Variants in NELL2 observed in about 807,000 individuals in gnomAD.
The protein encoded by NELL2 is protein kinase C-binding protein NELL2.
NELL2 carries 41 observed loss-of-function variants against 109.6 expected under a neutral mutation model. The observed-to-expected ratio is 0.37, with a 90% confidence interval of 0.29 to 0.49. The LOEUF is 0.49. NELL2 is among the 20% of genes least tolerant of loss of function. The pLI, the probability that NELL2 is intolerant of heterozygous loss-of-function variation, is 0.98. For missense variants in NELL2, 900 were observed against 1,008.3 expected (o/e 0.89, Z 1.45); for synonymous variants, 355 against 344.7 (o/e 1.03, Z -0.33).
At chr12:44,715,344 T>G (rs1029822947) in intron 9 of NELL2, among the ~76,000 whole-genome samples, 30 of 150,534 alleles carry the variant, frequency 2.0e-4, no homozygotes, top group Middle Eastern at 6.8e-3. Context: ...AATTTTAAAA[T>G]GTAACCTTAG....
chr12:44,557,622 GAT>G, intron 15 of NELL2, among the ~76,000 whole-genome samples: 1 of 152,318 alleles, frequency 6.6e-6, no homozygotes, highest in Non-Finnish European at 1.5e-5. Context: ...ACTACGTTGA[GAT>G]TTTAGTGTTT....
intron 2 of NELL2, among the ~76,000 whole-genome samples, chr12:44,819,221 A>C (rs531926905): frequency 6.6e-6 from 1 of 152,308 alleles, no homozygotes; most frequent in Admixed American, 6.5e-5. Context: ...AACTATCAAA[A>C]AAATTGATCA....
Position 44,758,385 on chromosome 12 carries a change from T to A in NELL2, c.994+16362A>T, listed in dbSNP as rs1222782690. 3.3e-5 allele frequency among the ~76,000 whole-genome samples: 5 copies of A among 152,234 alleles called. No individual in the cohort carries two copies. The East Asian group carries it at 9.6e-4, about 29-fold the overall frequency. On this transcript the variant is annotated intron_variant, in intron 9 of 19. Transcript: ENST00000429094. The stretch of plus-strand genomic sequence containing the variant: ...TGTGCCACACATAACTCCTAGTTAC[T>A]CTGCTTTATTAAATCCCCACTTCAA...
chr12:44,545,982 T>G (rs867392948), intron 15 of NELL2, among the ~76,000 whole-genome samples: 1 of 152,114 alleles, frequency 6.6e-6, no homozygotes, highest in East Asian at 1.9e-4. Flanking sequence ...AAGAGAGTTA[T>G]GGTGTCTTTG....
In NELL2 at chr12:44,677,346, T is replaced by G. The variant is rs183166935; in HGVS notation, c.1319-11737A>C. On this transcript the variant is annotated intron_variant, in intron 12 of 19. Transcript: ENST00000429094. ...TTCTAAAACATGTCATATATACACATGCTGTAAAATGTAAAAGATGCAGTA... is the reference window on the plus strand; with the variant it reads ...TTCTAAAACATGTCATATATACACAGGCTGTAAAATGTAAAAGATGCAGTA... 2.5e-3 allele frequency among the ~76,000 whole-genome samples: 376 copies of G among 152,208 alleles called. 1 individual carries two copies. The highest frequency in any genetic ancestry group is 8.8e-3 in the African/African-American group (365 of 41,542).
intron 19 of NELL2, among the ~76,000 whole-genome samples, chr12:44,513,330 A>T (rs562297933): frequency 6.6e-6 from 1 of 152,100 alleles, no homozygotes; most frequent in South Asian, 2.1e-4. Flanking sequence ...AGCCAATGGA[A>T]CCTATGATCT....
chr12:44,509,088 T>G lies in NELL2; in HGVS notation c.2401-104A>C, dbSNP rs1048750196. 3.2e-6 allele frequency: 3 copies of G among 937,392 alleles called. No homozygotes were observed. In the African/African-American group the frequency reaches 5.0e-5, roughly 16 times the overall value. 58.1% of individuals were successfully genotyped at this position (937,392 alleles called of 1,614,324 possible). A position where few individuals can be genotyped will look rare whatever the true frequency, so the allele number is the denominator to read the frequency against. On this transcript the variant is annotated intron_variant, in intron 19 of 19. Coordinates refer to ENST00000429094, the MANE Select transcript of NELL2 (RefSeq NM_001145108.2). ...CTTACAAACAAAACTGTATAATTTA[T>G]TTCTGCATTCCTAAAAATTCAATGG...
At chr12:44,896,481 C>T (rs373862088) in intron 1 of NELL2, among the ~76,000 whole-genome samples, 11 of 151,962 alleles carry the variant, frequency 7.2e-5, no homozygotes, top group East Asian at 5.8e-4. Flanking sequence ...ATTCCGTGAC[C>T]GAGGTGTACA....
At chr12:44,667,696 CT>C (rs1339765483) in intron 12 of NELL2, among the ~76,000 whole-genome samples, 1 of 152,184 alleles carries the variant, frequency 6.6e-6, no homozygotes, top group Non-Finnish European at 1.5e-5. Context: ...ACAGATAACT[CT>C]GAAATTCAGC....
intron 15 of NELL2, among the ~76,000 whole-genome samples, chr12:44,606,086 C>G (rs1032324018): frequency 6.6e-6 from 1 of 152,014 alleles, no homozygotes; most frequent in South Asian, 2.1e-4. Flanking sequence ...ATGCATTGTC[C>G]GTCACAGACT....
At chr12:44,524,366 G>A (rs977619986) in intron 16 of NELL2, among the ~76,000 whole-genome samples, 2 of 152,108 alleles carry the variant, frequency 1.3e-5, no homozygotes, top group African/African-American at 4.8e-5. Flanking sequence ...TCAGAGACAT[G>A]GTATGAGTGG....
intron 1 of NELL2, among the ~76,000 whole-genome samples, chr12:44,890,146 C>T (rs1945517320): frequency 6.6e-6 from 1 of 152,114 alleles, no homozygotes; most frequent in African/African-American, 2.4e-5. Context: ...CTAGAGCCTC[C>T]CTCTATCTCC....
At chr12:44,765,367 T>C (rs1311725899) in intron 9 of NELL2, among the ~76,000 whole-genome samples, 1 of 151,158 alleles carries the variant, frequency 6.6e-6, no homozygotes, top group Non-Finnish European at 1.5e-5. Flanking sequence ...TTTTTTTAAG[T>C]TCACAATGTA....
chr12:44,694,391 C>G (rs1366267231), intron 12 of NELL2, among the ~76,000 whole-genome samples: 1 of 152,028 alleles, frequency 6.6e-6, no homozygotes, highest in African/African-American at 2.4e-5. Flanking sequence ...TGAAACTATA[C>G]CACTGGCTCT....
rs1555217772 is a variant in NELL2 at position 44,791,119 on chromosome 12, A to ATG, written c.336-11099_336-11098dup. 4.6e-3 allele frequency among the ~76,000 whole-genome samples: 44 copies of ATG among 9,590 alleles called. 1 individual carries two copies. Among genetic ancestry groups the ATG allele is most frequent in the African/African-American group, 0.013 (33 of 2,628 alleles). The allele number at this position is 9,590 out of a possible 152,430, so 6.3% of individuals were successfully genotyped here. On this transcript the variant is annotated intron_variant, in intron 3 of 19. Transcript: ENST00000429094. ...TATGTATATATATATGTATATATAT[A>ATG]TGTATATATATATATACACACGCAC... is the stretch of plus-strand genomic sequence containing the variant.
At chr12:44,783,930 G>A (rs1167402918) in intron 3 of NELL2, among the ~76,000 whole-genome samples, 1 of 151,944 alleles carries the variant, frequency 6.6e-6, no homozygotes, top group Non-Finnish European at 1.5e-5. Context: ...TTAACAAAAT[G>A]TTAACAAATA....
At chr12:44,840,753 A>T (rs996070522) in intron 2 of NELL2, among the ~76,000 whole-genome samples, 1 of 152,232 alleles carries the variant, frequency 6.6e-6, no homozygotes, top group African/African-American at 2.4e-5. Flanking sequence ...TTGGCTATAT[A>T]TCTATAGCTT....
At chr12:44,855,916 T>G (rs541531369) in intron 2 of NELL2, among the ~76,000 whole-genome samples, 2 of 152,164 alleles carry the variant, frequency 1.3e-5, no homozygotes, top group Non-Finnish European at 2.9e-5. Flanking sequence ...TACCTTTCCT[T>G]ATGACTAGAG....
chr12:44,537,154 G>A (rs1268124672), intron 15 of NELL2, among the ~76,000 whole-genome samples: 2 of 151,972 alleles, frequency 1.3e-5, no homozygotes, highest in Admixed American at 1.3e-4. Context: ...CAGATCACTG[G>A]CTTCAGAGGC....
Sources: gnomAD v4.1 joint callset for allele counts (sites outside exome capture counted in the v4.1 genomes callset) on GRCh38, gnomAD v4.1.1 for gene constraint, MANE v1.5 for transcripts, NCBI Gene and HGNC (gene_info 2026-07-23, HGNC 2026-07-21) for gene names.